The following KANK1 variants were observed in gnomAD, a reference collection of about 807,000 sequenced individuals.
KANK1 encodes the protein KN motif and ankyrin repeat domains 1.
A neutral mutation model predicts 106.2 loss-of-function variants in KANK1; 109 were observed. The ratio of observed to expected loss-of-function variants is 1.03; its 90% CI spans 0.88 to 1.20. The LOEUF is 1.20. Among genes scored for constraint, KANK1 ranks in the 50% most tolerant of loss-of-function variants. The pLI, the probability that KANK1 is intolerant of heterozygous loss-of-function variation, is 0.00. For synonymous variants in KANK1, 873 were observed against 652.2 expected (o/e 1.34, Z -5.16); for missense variants, 2,399 against 1,710.7 (o/e 1.40, Z -7.10).
chr9:701,189 C>A (rs1490351881), intron 2 of KANK1, among the ~76,000 whole-genome samples: 1 of 152,134 alleles, frequency 6.6e-6, no homozygotes, highest in African/African-American at 2.4e-5. Flanking sequence ...TCTTGGCTCA[C>A]CACAACCTCT....
intron 3 of KANK1, among the ~76,000 whole-genome samples, chr9:719,729 T>C (rs1828813525): frequency 6.6e-6 from 1 of 152,048 alleles, no homozygotes; most frequent in Non-Finnish European, 1.5e-5. Context: ...CCCATTCAGC[T>C]CTAGTTTTGG....
intron 1 of KANK1, among the ~76,000 whole-genome samples, chr9:598,122 A>G (rs1398820899): frequency 1.3e-5 from 2 of 151,808 alleles, no homozygotes; most frequent in African/African-American, 2.4e-5. Context: ...CTGAAGAGAC[A>G]GTATTTCCCC....
chr9:502,133 G>T (rs1227157227), upstream of KANK1, among the ~76,000 whole-genome samples: 4 of 152,192 alleles, frequency 2.6e-5, no homozygotes, highest in Non-Finnish European at 5.9e-5. Flanking sequence ...GCAACGTCCA[G>T]AATCAGCAAA....
chr9:476,534 A>C (rs1336069676), intron 3 of KANK1: 1 of 152,142 alleles, frequency 6.6e-6, no homozygotes, highest in Non-Finnish European at 1.5e-5. Flanking sequence ...AAAACAAAAA[A>C]AAAATCCCAG....
intron 1 of KANK1, among the ~76,000 whole-genome samples, chr9:517,375 C>T (rs1359102073): frequency 2.0e-5 from 3 of 151,810 alleles, no homozygotes; most frequent in East Asian, 3.9e-4. Context: ...GTGCTAGGAT[C>T]ACAGGCGTGA....
chr9:514,260 G>T (rs147720879), intron 1 of KANK1, among the ~76,000 whole-genome samples: 1 of 59,376 alleles, frequency 1.7e-5, no homozygotes, highest in Non-Finnish European at 2.7e-5. Context: ...TCCTCCCTCC[G>T]TCCCTCCCTT....
intron 2 of KANK1, chr9:693,779 C>G: frequency 2.0e-6 from 2 of 985,282 alleles, no homozygotes; most frequent in Non-Finnish European, 2.4e-6. Flanking sequence ...TATTTTGTTT[C>G]TGGGTGGGTA....
At chr9:499,102 T>C (rs1042706477) in intron 3 of KANK1, among the ~76,000 whole-genome samples, 17 of 149,806 alleles carry the variant, frequency 1.1e-4, no homozygotes, top group Admixed American at 6.7e-4. Flanking sequence ...GGCATGAACC[T>C]GGGAGGCGGA....
In KANK1 at chr9:745,389, C is replaced by A; in HGVS notation, c.*154C>A. 2 of 888,352 alleles carry A rather than the reference C, an allele frequency of 2.3e-6. No homozygotes were observed. Among genetic ancestry groups the A allele is most frequent in the Non-Finnish European group, 1.8e-6 (1 of 563,326 alleles). 55.0% of individuals were successfully genotyped at this position (888,352 alleles called of 1,614,324 possible). A position where few individuals can be genotyped will look rare whatever the true frequency, so the allele number is the denominator to read the frequency against. On this transcript the variant is annotated 3_prime_UTR_variant, in exon 12 of 12. Transcript: ENST00000382297. ...GGTAAAGGCTGAAGCTTTCACAGTGCAGAGACTGCTAGCCTGGGCACACAC... is the reference window on the plus strand; with the variant it reads ...GGTAAAGGCTGAAGCTTTCACAGTGAAGAGACTGCTAGCCTGGGCACACAC...
chr9:584,718 G>A (rs764617638), intron 1 of KANK1, among the ~76,000 whole-genome samples: 7 of 152,202 alleles, frequency 4.6e-5, no homozygotes, highest in Admixed American at 1.3e-4. Flanking sequence ...GAGAAAAGGC[G>A]GGAAGGGTTT....
chr9:735,597 A>G (rs930458211), intron 7 of KANK1: 2 of 197,066 alleles, frequency 1.0e-5, no homozygotes, highest in African/African-American at 4.5e-5. Context: ...ACCGAAATGC[A>G]CAGATACTCA....
intron 1 of KANK1, among the ~76,000 whole-genome samples, chr9:544,998 C>G (rs1297583123): frequency 2.6e-5 from 4 of 152,068 alleles, no homozygotes; most frequent in Non-Finnish European, 5.9e-5. Context: ...CAGTAATCCC[C>G]CAGTGAGAGA....
At chr9:601,034 C>T (rs1827616721) in intron 1 of KANK1, among the ~76,000 whole-genome samples, 1 of 151,606 alleles carries the variant, frequency 6.6e-6, no homozygotes, top group Admixed American at 6.6e-5. Flanking sequence ...TTGTAAAATG[C>T]CCAAAGAAAA....
intron 1 of KANK1, among the ~76,000 whole-genome samples, chr9:661,302 GTGTGA>G (rs1346914947): frequency 1.3e-5 from 2 of 148,714 alleles, no homozygotes; most frequent in East Asian, 3.9e-4. Context: ...AGGCCCCAGT[GTGTGA>G]TGTTCACCGC....
intron 1 of KANK1, among the ~76,000 whole-genome samples, chr9:516,711 A>T (rs1199700530): frequency 6.6e-6 from 1 of 151,630 alleles, no homozygotes; most frequent in African/African-American, 2.4e-5. Context: ...TTACTAGGTT[A>T]TACTTCATAG....
intron 2 of KANK1, among the ~76,000 whole-genome samples, chr9:701,312 C>T (rs1356764995): frequency 6.6e-6 from 1 of 152,164 alleles, no homozygotes; most frequent in Non-Finnish European, 1.5e-5. Flanking sequence ...GGGGTTTCTC[C>T]ATGTTGGTCT....
intron 1 of KANK1, among the ~76,000 whole-genome samples, chr9:577,077 C>T (rs1215957727): frequency 1.3e-5 from 2 of 152,140 alleles, no homozygotes; most frequent in Non-Finnish European, 2.9e-5. Context: ...TGCAGTGTTA[C>T]AGGTCATGAA....
In KANK1 at chr9:601,321, G is replaced by A. The variant is rs114500208; in HGVS notation, c.-83-75569G>A. On this transcript the variant is annotated intron_variant, in intron 1 of 11. Transcript: ENST00000382297. ...TTACTAGCATTCTATCCAGTTTTCC[G>A]CTATCCTTTCTTTATGTTCCATGAT... 7.6e-3 allele frequency among the ~76,000 whole-genome samples: 1,152 copies of A among 151,690 alleles called. 48 individuals are homozygous for A. The highest frequency in any genetic ancestry group is 0.027 in the African/African-American group (1,101 of 41,122).
In KANK1 at chr9:730,141, G is replaced by A. The variant is rs752645185; in HGVS notation, c.2789G>A (p.Gly930Glu). 3.6e-5 allele frequency: 58 copies of A among 1,614,044 alleles called. No individual in the cohort carries two copies. Among genetic ancestry groups the A allele is most frequent in the Non-Finnish European group, 5.1e-6 (6 of 1,180,032 alleles). The stretch of plus-strand genomic sequence containing the variant: ...ACATCCCAGCCTGAGCAAGAAGTGG[G>A]GACCTCAGAAGGAAAGCCAATCAGC... ...SQTSQPEQEVGTSEGKPISSL... is the reference protein window; with the variant it reads ...SQTSQPEQEVETSEGKPISSL... Residue 930 changes from glycine to glutamate, a missense_variant, in exon 4 of 12, where the codon GGG becomes GAG. Coordinates refer to ENST00000382297, the MANE Select transcript of KANK1 (RefSeq NM_015158.5).
Sources: allele counts gnomAD v4.1 joint callset (sites outside exome capture counted in the v4.1 genomes callset), GRCh38; gene constraint gnomAD v4.1.1; transcripts MANE v1.5; gene names NCBI Gene and HGNC (gene_info 2026-07-23, HGNC 2026-07-21).